The following CTNNA2 variants were observed in gnomAD, a reference collection of about 807,000 sequenced individuals.
CTNNA2 encodes the protein catenin alpha 2.
A neutral mutation model predicts 101.0 loss-of-function variants in CTNNA2; 42 were observed. That is an observed-to-expected ratio of 0.42 (90% CI 0.32 to 0.54). The LOEUF is 0.54. Ranked by LOEUF, CTNNA2 falls within the 20% of genes least tolerant of loss-of-function variation. The probability of loss-of-function intolerance (pLI) is 0.14; values close to 1 mark genes in which losing one functional copy is unlikely to be tolerated. For synonymous variants in CTNNA2, 450 were observed against 456.4 expected, an observed-to-expected ratio of 0.99 and a Z score of 0.18; for missense variants, 871 against 1,223.1, an observed-to-expected ratio of 0.71 and a Z score of 4.29.
intron 7 of CTNNA2, among the ~76,000 whole-genome samples, chr2:80,071,317 T>C (rs1175255591): frequency 1.3e-5 from 2 of 152,226 alleles, no homozygotes; most frequent in Non-Finnish European, 2.9e-5. Flanking sequence ...TGCTGAAATA[T>C]ACCTCCTCCC....
intron 7 of CTNNA2, among the ~76,000 whole-genome samples, chr2:80,173,122 A>G (rs1307790049): frequency 6.6e-6 from 1 of 152,218 alleles, no homozygotes; most frequent in Non-Finnish European, 1.5e-5. Context: ...ACATTCTTCA[A>G]AAAATAATGT....
At chr2:80,401,070 T>C (rs576581566) in intron 8 of CTNNA2, among the ~76,000 whole-genome samples, 1 of 152,362 alleles carries the variant, frequency 6.6e-6, no homozygotes, top group East Asian at 1.9e-4. Context: ...ATCCAATTCC[T>C]GTAAACAGGA....
intron 4 of CTNNA2, among the ~76,000 whole-genome samples, chr2:79,472,174 A>G (rs1419556564): frequency 7.2e-5 from 11 of 152,232 alleles, no homozygotes; most frequent in African/African-American, 2.7e-4. Flanking sequence ...CAAATAGAAG[A>G]TATAGGAAAG....
intron 1 of CTNNA2, among the ~76,000 whole-genome samples, chr2:79,521,941 T>C (rs529696127): frequency 4.6e-5 from 7 of 152,172 alleles, no homozygotes; most frequent in Admixed American, 3.9e-4. Context: ...GCCAAGCACA[T>C]TGGGGCCCAT....
intron 2 of CTNNA2, among the ~76,000 whole-genome samples, chr2:79,706,044 A>G (rs1685335567): frequency 6.6e-6 from 1 of 152,086 alleles, no homozygotes; most frequent in East Asian, 1.9e-4. Context: ...GGAAGAGCCG[A>G]AGGCCTTCGT....
intron 1 of CTNNA2, among the ~76,000 whole-genome samples, chr2:79,620,326 T>A (rs1678914232): frequency 6.6e-6 from 1 of 152,210 alleles, no homozygotes; most frequent in Admixed American, 6.5e-5. Context: ...GCTGCTTCTA[T>A]ATTTTTTTAG....
At chr2:80,444,987 CA>C (rs1189198671) in intron 9 of CTNNA2, among the ~76,000 whole-genome samples, 2 of 152,140 alleles carry the variant, frequency 1.3e-5, no homozygotes, top group African/African-American at 4.8e-5. Context: ...AATATATCCA[CA>C]CGTTGCCCAG....
intron 3 of CTNNA2, among the ~76,000 whole-genome samples, chr2:79,349,323 C>A (rs570247648): frequency 2.6e-5 from 4 of 152,140 alleles, no homozygotes; most frequent in Non-Finnish European, 5.9e-5. Context: ...AGCAGTGTTT[C>A]TTTGAAATTC....
At chr2:80,487,950 A>G (rs1686730594) in intron 9 of CTNNA2, among the ~76,000 whole-genome samples, 1 of 152,202 alleles carries the variant, frequency 6.6e-6, no homozygotes, top group Admixed American at 6.5e-5. Context: ...TTTTCATTGT[A>G]TAGAAGTTCT....
chr2:79,719,465 A>G (rs1293314207), intron 2 of CTNNA2, among the ~76,000 whole-genome samples: 1 of 151,990 alleles, frequency 6.6e-6, no homozygotes, highest in East Asian at 1.9e-4. Context: ...TATTTGGGAA[A>G]TCTCCAAACT....
intron 1 of CTNNA2, among the ~76,000 whole-genome samples, chr2:79,617,224 A>G (rs1678688774): frequency 6.6e-6 from 1 of 151,910 alleles, no homozygotes; most frequent in Non-Finnish European, 1.5e-5. Flanking sequence ...TTTATCTATG[A>G]TATTTTGCAT....
At chr2:80,094,785 A>C (rs1573056294) in intron 7 of CTNNA2, among the ~76,000 whole-genome samples, 1 of 152,164 alleles carries the variant, frequency 6.6e-6, no homozygotes, top group East Asian at 1.9e-4. Context: ...ATGGGAGTTC[A>C]CTCATGATTT....
At chr2:79,982,229 T>TGTACACACAC (rs1558697419) in intron 7 of CTNNA2, among the ~76,000 whole-genome samples, 2 of 61,196 alleles carry the variant, frequency 3.3e-5, no homozygotes, top group African/African-American at 1.1e-4. Flanking sequence ...TATATATATA[T>TGTACACACAC]ATATATATAT....
chr2:79,914,148 C>T (rs1451719059), intron 7 of CTNNA2, among the ~76,000 whole-genome samples: 4 of 116,644 alleles, frequency 3.4e-5, no homozygotes, highest in African/African-American at 1.4e-4. Context: ...GCCTGGGCGA[C>T]AGAGCGAGAC....
Position 79,874,193 on chromosome 2 carries a change from G to A in CTNNA2, c.703G>A (p.Ala235Thr), listed in dbSNP as rs1396563178. ...QAFLRHPDVA[A>T]TRANRDYVFK... ...ATTTCTCCGCCACCCAGATGTCGCC[G>A]CTACGAGAGCCAACCGAGATTATGT... The change falls in exon 6 of 19, where the codon GCT (alanine) becomes ACT (threonine). Residue 235 changes from alanine (A) to threonine (T), a missense_variant. By Grantham distance (58) the Ala-to-Thr change is moderately conservative (BLOSUM62 0). Around this residue, in one of 5 missense-constraint regions of CTNNA2, gnomAD observed 647 missense variants for 831.5 expected, o/e 0.78. Transcript: ENST00000402739. 3 of 1,613,982 alleles carry A rather than the reference G, an allele frequency of 1.9e-6. No homozygotes were observed. Among genetic ancestry groups the A allele is most frequent in the Non-Finnish European group, 8.5e-7 (1 of 1,180,054 alleles).
intron 2 of CTNNA2, among the ~76,000 whole-genome samples, chr2:79,202,369 G>T (rs540395464): frequency 1.3e-5 from 2 of 150,910 alleles, no homozygotes; most frequent in South Asian, 2.1e-4. Context: ...TTGAGACAGG[G>T]TCTCACTCTG....
chr2:79,449,216 A>G (rs1279058713), intron 4 of CTNNA2, among the ~76,000 whole-genome samples: 1 of 152,054 alleles, frequency 6.6e-6, no homozygotes, highest in African/African-American at 2.4e-5. Flanking sequence ...CAGTGAAGTA[A>G]AAAGGGAGAT....
In CTNNA2 at chr2:80,523,614, G is replaced by A. The variant is rs543317010; in HGVS notation, c.1291-21368G>A. 4.6e-5 allele frequency among the ~76,000 whole-genome samples: 7 copies of A among 152,320 alleles called. No homozygotes were observed. The South Asian group carries it at 1.2e-3, about 27-fold the overall frequency. ...GTGAATGATGGGGCTGGGCTCTACA[G>A]CGAGCTCGGCTCCCCTGTTGTAAGG... On this transcript the variant is annotated intron_variant, in intron 9 of 18. Transcript: ENST00000402739.
chr2:80,183,187 C>T (rs905168074), intron 7 of CTNNA2, among the ~76,000 whole-genome samples: 2 of 152,090 alleles, frequency 1.3e-5, no homozygotes, highest in Admixed American at 6.6e-5. Context: ...ACCAACCTCT[C>T]CCTCACCAGC....
Sources: gnomAD v4.1 joint callset for allele counts (sites outside exome capture counted in the v4.1 genomes callset) on GRCh38, gnomAD v4.1.1 for gene constraint, gnomAD v4.1.1 regional missense constraint, MANE v1.5 for transcripts, NCBI Gene and HGNC (gene_info 2026-07-23, HGNC 2026-07-21) for gene names.